Variants in DIS3L2 observed in about 807,000 individuals in gnomAD.
DIS3L2 encodes DIS3 like 3'-5' exoribonuclease 2.
A neutral mutation model predicts 97.5 loss-of-function variants in DIS3L2; 34 were observed. That is an observed-to-expected ratio of 0.35 (90% CI 0.27 to 0.46). The LOEUF (loss-of-function observed/expected upper bound fraction) is 0.46, where lower values mean the gene tolerates loss of function less well. Among genes scored for constraint, DIS3L2 ranks in the 20% least tolerant of loss-of-function variants. The pLI is 1.00. For synonymous variants in DIS3L2, 435 were observed against 445.2 expected (o/e 0.98, Z 0.29); for missense variants, 1,038 against 1,146.0 (o/e 0.91, Z 1.36).
At chr2:232,317,027 A>G (rs1695294971) in intron 14 of DIS3L2, among the ~76,000 whole-genome samples, 1 of 152,206 alleles carries the variant, frequency 6.6e-6, no homozygotes, top group Non-Finnish European at 1.5e-5. Flanking sequence ...TTAAGGCAGC[A>G]TTAGCCTCAG....
At chr2:231,978,745 C>T (rs1693167759) in intron 1 of DIS3L2, 1 of 152,212 alleles carries the variant, frequency 6.6e-6, no homozygotes, top group African/African-American at 2.4e-5. Flanking sequence ...ACACCTCCTG[C>T]TCCTCAAATA....
At chr2:232,063,974 G>A (rs906904231) in intron 5 of DIS3L2, among the ~76,000 whole-genome samples, 1 of 151,978 alleles carries the variant, frequency 6.6e-6, no homozygotes, top group African/African-American at 2.4e-5. Flanking sequence ...TGTAGTTTGG[G>A]TGTTTTTATG....
chr2:232,323,583 A>G (rs1221071272), intron 14 of DIS3L2, among the ~76,000 whole-genome samples: 2 of 152,270 alleles, frequency 1.3e-5, no homozygotes, highest in South Asian at 2.1e-4. Context: ...CTGCAGGCAT[A>G]TGATGTTTGG....
intron 10 of DIS3L2, among the ~76,000 whole-genome samples, chr2:232,233,185 A>G (rs1377816044): frequency 2.0e-5 from 3 of 152,256 alleles, no homozygotes; most frequent in South Asian, 4.1e-4. Flanking sequence ...TCAGGCTGCT[A>G]TAACAGAATA....
intron 12 of DIS3L2, among the ~76,000 whole-genome samples, chr2:232,256,612 T>C (rs1299793047): frequency 4.6e-5 from 7 of 152,288 alleles, no homozygotes; most frequent in East Asian, 3.9e-4. Context: ...CACTCCTCTT[T>C]CCTTTAAGAC....
chr2:232,061,845 A>G (rs1695716559), intron 5 of DIS3L2, among the ~76,000 whole-genome samples: 1 of 152,172 alleles, frequency 6.6e-6, no homozygotes, highest in Admixed American at 6.5e-5. Context: ...AGAAGGAACT[A>G]CCTCATTAAG....
chr2:232,305,358 G>A (rs1279726983), intron 14 of DIS3L2, among the ~76,000 whole-genome samples: 2 of 152,154 alleles, frequency 1.3e-5, no homozygotes, highest in Non-Finnish European at 2.9e-5. Context: ...GGTTACAGGC[G>A]TGAGCCACCA....
intron 10 of DIS3L2, among the ~76,000 whole-genome samples, chr2:232,222,009 C>A (rs1692521611): frequency 6.7e-6 from 1 of 149,580 alleles, no homozygotes; most frequent in African/African-American, 2.5e-5. Context: ...GTGGTGTGAT[C>A]TCGGCTCACT....
intron 6 of DIS3L2, among the ~76,000 whole-genome samples, chr2:232,105,383 A>G (rs1697331618): frequency 6.6e-6 from 1 of 152,232 alleles, no homozygotes. Context: ...GGGGGTTAAC[A>G]GAAACTGAAA....
chr2:232,270,918 CTCG>C (rs1431533483), intron 13 of DIS3L2, among the ~76,000 whole-genome samples: 72 of 138,166 alleles, frequency 5.2e-4, no homozygotes, highest in Middle Eastern at 3.7e-3. Flanking sequence ...CTCTCTCTGT[CTCG>C]TCTCTCTCTC....
intron 1 of DIS3L2, among the ~76,000 whole-genome samples, chr2:231,966,720 C>A (rs925112562): frequency 1.8e-5 from 2 of 113,296 alleles, no homozygotes; most frequent in African/African-American, 6.5e-5. Flanking sequence ...GTCTGAAACT[C>A]TTGGCCTCAA....
chr2:232,024,335 G>A lies in DIS3L2; in HGVS notation c.264+5G>A. 1 of 1,594,232 alleles carries A rather than the reference G, an allele frequency of 6.3e-7. No homozygotes were observed. Among genetic ancestry groups the A allele is most frequent in the East Asian group, 2.3e-5 (1 of 44,370 alleles). On this transcript the variant is annotated splice_donor_5th_base_variant and intron_variant, in intron 4 of 20. Transcript: ENST00000325385. ...GAAGCCTTCATTCCTTCCCCGGTAAGTTCAATAAATTTATAATAAACTTTA... is the reference window on the plus strand; with the variant it reads ...GAAGCCTTCATTCCTTCCCCGGTAAATTCAATAAATTTATAATAAACTTTA...
chr2:232,284,223 G>A (rs911804753), intron 13 of DIS3L2, among the ~76,000 whole-genome samples: 60 of 152,104 alleles, frequency 3.9e-4, no homozygotes, highest in African/African-American at 1.4e-3. Flanking sequence ...AGGTTTTATC[G>A]CCTGTCAGAT....
rs780127954 is a variant in DIS3L2 at position 232,136,688 on chromosome 2, G to C, written c.919G>C (p.Asp307His). 138 of 1,613,830 alleles carry C rather than the reference G, an allele frequency of 8.6e-5. 1 individual carries two copies. The South Asian group carries it at 1.2e-3, about 14-fold the overall frequency. The change falls in exon 8 of 21, where the codon GAC (aspartate) becomes CAC (histidine). Residue 307 changes from aspartate to histidine, a missense_variant. Physicochemically the swap from Asp to His is moderately conservative, Grantham distance 81 (BLOSUM62 -1). Coordinates refer to ENST00000325385, the MANE Select transcript of DIS3L2 (RefSeq NM_152383.5). ...CACACTGTTCATCTGCCGCATTGTG[G>C]ACTGGAAGGAGGACTGCAATTTTGC... ...ANTLFICRIVDWKEDCNFALG... is the reference protein window; with the variant it reads ...ANTLFICRIVHWKEDCNFALG...
At chr2:232,162,559 A>G (rs540851659) in intron 8 of DIS3L2, among the ~76,000 whole-genome samples, 1 of 152,360 alleles carries the variant, frequency 6.6e-6, no homozygotes, top group East Asian at 1.9e-4. Context: ...AGCCTGAGAG[A>G]ATGTCCTGAT....
intron 8 of DIS3L2, among the ~76,000 whole-genome samples, chr2:232,149,841 C>T (rs1227763401): frequency 7.4e-5 from 1 of 13,566 alleles, no homozygotes; most frequent in Admixed American, 7.6e-4. Flanking sequence ...TATTTCTCCA[C>T]ATCCTCTCCA....
chr2:232,123,989 A>T (rs1237875013), intron 6 of DIS3L2, among the ~76,000 whole-genome samples: 1 of 152,204 alleles, frequency 6.6e-6, no homozygotes, highest in Admixed American at 6.5e-5. Flanking sequence ...AAATTCTTTC[A>T]AAAGAAAGGT....
chr2:232,333,707 C>T, intron 16 of DIS3L2, 133 bp from the exon 17 acceptor site: 1 of 1,349,660 alleles, frequency 7.4e-7, no homozygotes, highest in Admixed American at 2.5e-5. Flanking sequence ...TCCCTGGCGT[C>T]ACTCAGCAAC....
intron 1 of DIS3L2, among the ~76,000 whole-genome samples, chr2:232,010,807 A>T (rs1162209579): frequency 6.6e-6 from 1 of 152,092 alleles, no homozygotes; most frequent in Non-Finnish European, 1.5e-5. Flanking sequence ...CAAATTTTGC[A>T]CCCTAAGTGC....
Sources: allele counts gnomAD v4.1 joint callset (sites outside exome capture counted in the v4.1 genomes callset), GRCh38; gene constraint gnomAD v4.1.1; transcripts MANE v1.5; gene names NCBI Gene and HGNC (gene_info 2026-07-23, HGNC 2026-07-21).